Variants in WDFY2 observed in about 807,000 individuals in gnomAD.
The protein encoded by WDFY2 is WD repeat and FYVE domain-containing protein 2.
A neutral mutation model predicts 56.4 loss-of-function variants in WDFY2; 36 were observed. The ratio of observed to expected loss-of-function variants is 0.64; its 90% CI spans 0.49 to 0.84. The LOEUF (loss-of-function observed/expected upper bound fraction) is 0.84. Ranked by LOEUF, WDFY2 falls within the 40% of genes least tolerant of loss-of-function variation. The pLI is 0.00. For synonymous variants in WDFY2, 176 were observed against 183.7 expected, an observed-to-expected ratio of 0.96 and a Z score of 0.34; for missense variants, 444 against 512.2, an observed-to-expected ratio of 0.87 and a Z score of 1.29.
At chr13:51,696,415 G>T (rs1468929293) in intron 3 of WDFY2, among the ~76,000 whole-genome samples, 3 of 152,266 alleles carry the variant, frequency 2.0e-5, no homozygotes, top group African/African-American at 7.2e-5. Context: ...TTTAAGAAAA[G>T]AATTTAGGAG....
chr13:51,596,555 A>G (rs1170636836), intron 1 of WDFY2, among the ~76,000 whole-genome samples: 1 of 152,226 alleles, frequency 6.6e-6, no homozygotes, highest in East Asian at 1.9e-4. Flanking sequence ...TTTGAGTGCA[A>G]AGCTTGAGGA....
intron 1 of WDFY2, among the ~76,000 whole-genome samples, chr13:51,614,954 A>G (rs1272356700): frequency 1.3e-5 from 2 of 152,232 alleles, no homozygotes; most frequent in Non-Finnish European, 1.5e-5. Flanking sequence ...TCATATACAC[A>G]TTGATGTAAA....
chr13:51,665,164 T>C (rs1267323181), intron 2 of WDFY2, among the ~76,000 whole-genome samples: 1 of 152,248 alleles, frequency 6.6e-6, no homozygotes, highest in African/African-American at 2.4e-5. Flanking sequence ...GGATGACTGC[T>C]GGCTTGTTTT....
chr13:51,638,300 G>A (rs1593914797), intron 1 of WDFY2, among the ~76,000 whole-genome samples: 2 of 152,314 alleles, frequency 1.3e-5, no homozygotes, highest in East Asian at 1.9e-4. Context: ...TATGCTCCTG[G>A]GGGTGGGGTA....
At chr13:51,712,279 A>T (rs1952238290) in intron 4 of WDFY2, among the ~76,000 whole-genome samples, 1 of 152,128 alleles carries the variant, frequency 6.6e-6, no homozygotes, top group Non-Finnish European at 1.5e-5. Flanking sequence ...GAGGAACATC[A>T]CACGCTGGGG....
chr13:51,659,297 CTT>C (rs1045738045), intron 1 of WDFY2, among the ~76,000 whole-genome samples: 8 of 152,170 alleles, frequency 5.3e-5, no homozygotes, highest in African/African-American at 1.9e-4. Flanking sequence ...TAATTTAAAA[CTT>C]AGTCCATTGT....
chr13:51,726,112 C>A (rs982657440), intron 5 of WDFY2, among the ~76,000 whole-genome samples: 1 of 152,170 alleles, frequency 6.6e-6, no homozygotes, highest in African/African-American at 2.4e-5. Context: ...CTAGTGCTTC[C>A]CTTTCTAAAT....
At chr13:51,614,180 G>A (rs980561198) in intron 1 of WDFY2, among the ~76,000 whole-genome samples, 3 of 134,134 alleles carry the variant, frequency 2.2e-5, no homozygotes, top group African/African-American at 5.6e-5. Flanking sequence ...TGCGAGACTC[G>A]GTCTCCAAAA....
At chr13:51,740,639 A>G (rs1233959904) in intron 7 of WDFY2, among the ~76,000 whole-genome samples, 1 of 149,016 alleles carries the variant, frequency 6.7e-6, no homozygotes, top group Non-Finnish European at 1.5e-5. Flanking sequence ...ACTTGAACCC[A>G]GGAGGTGGAG....
chr13:51,636,472 G>A (rs1049584183), intron 1 of WDFY2, among the ~76,000 whole-genome samples: 13 of 152,236 alleles, frequency 8.5e-5, no homozygotes, highest in African/African-American at 2.9e-4. Context: ...CCAGTCCTTG[G>A]GCTTCGTGAT....
At chr13:51,693,949 G>T (rs1951805940) in intron 3 of WDFY2, among the ~76,000 whole-genome samples, 1 of 151,384 alleles carries the variant, frequency 6.6e-6, no homozygotes, top group Non-Finnish European at 1.5e-5. Flanking sequence ...GGCCTTCTTT[G>T]TCTCTTTTGA....
At position 51,589,788 on chromosome 13, in the gene WDFY2, TAC is replaced by T. The variant is rs1954009929; in HGVS notation, c.137+4967_137+4968del. 2.0e-5 allele frequency: 3 copies of T among 152,316 alleles called. No individual in the cohort carries two copies. In the East Asian group the frequency reaches 5.8e-4, roughly 29 times the overall value. The allele number at this position is 152,316 out of a possible 1,614,324, so 9.4% of individuals were successfully genotyped here. On this transcript the variant is annotated intron_variant, in intron 1 of 11. Coordinates refer to ENST00000298125, the MANE Select transcript of WDFY2 (RefSeq NM_052950.4). ...GAAGTCTCTAATAGCATAAAATTAA[TAC>T]ACTTTCCACTGCGCACTTGAGACTC...
chr13:51,639,913 A>G (rs1409713358), intron 1 of WDFY2, among the ~76,000 whole-genome samples: 1 of 152,198 alleles, frequency 6.6e-6, no homozygotes, highest in Non-Finnish European at 1.5e-5. Context: ...ATTTGACATG[A>G]GAGCTTTTAA....
At chr13:51,687,691 G>A (rs1420628412) in intron 3 of WDFY2, among the ~76,000 whole-genome samples, 4 of 151,724 alleles carry the variant, frequency 2.6e-5, no homozygotes, top group Non-Finnish European at 4.4e-5. Flanking sequence ...TATTAGGAAC[G>A]ATGCTGGACA....
intron 1 of WDFY2, among the ~76,000 whole-genome samples, chr13:51,597,052 T>C (rs746267836): frequency 6.6e-6 from 1 of 152,198 alleles, no homozygotes; most frequent in Non-Finnish European, 1.5e-5. Flanking sequence ...ATTATATTTC[T>C]CCAGTGTGTG....
intron 3 of WDFY2, 62 bp downstream of exon 3, chr13:51,675,305 GTATT>G: frequency 7.0e-7 from 1 of 1,419,884 alleles, no homozygotes; most frequent in East Asian, 2.3e-5. Flanking sequence ...GTATGTATAT[GTATT>G]TATTAGTTTT....
At chr13:51,699,236 T>C (rs1286784759) in intron 3 of WDFY2, among the ~76,000 whole-genome samples, 1 of 152,212 alleles carries the variant, frequency 6.6e-6, no homozygotes, top group East Asian at 1.9e-4. Flanking sequence ...GGAGCTATGA[T>C]TAAAATGCAA....
chr13:51,737,691 A>G (rs1952872899), intron 6 of WDFY2, among the ~76,000 whole-genome samples: 1 of 151,780 alleles, frequency 6.6e-6, no homozygotes, highest in South Asian at 2.1e-4. Flanking sequence ...GTTTGCATTC[A>G]TCTGCTCCTT....
intron 3 of WDFY2, among the ~76,000 whole-genome samples, chr13:51,690,805 C>T (rs1455077174): frequency 1.3e-5 from 2 of 152,164 alleles, no homozygotes; most frequent in East Asian, 3.8e-4. Flanking sequence ...AGTTTACAGT[C>T]CCACCAACAG....
Sources: allele counts gnomAD v4.1 joint callset (sites outside exome capture counted in the v4.1 genomes callset), GRCh38; gene constraint gnomAD v4.1.1; transcripts MANE v1.5; gene names NCBI Gene and HGNC (gene_info 2026-07-23, HGNC 2026-07-21).